The following RGS7 variants were observed in gnomAD, a reference collection of about 807,000 sequenced individuals.
RGS7 encodes regulator of G-protein signaling 7.
Under a neutral mutation model 81.1 loss-of-function variants are expected in RGS7, and 27 were observed. The observed-to-expected ratio is 0.33, with a 90% confidence interval of 0.25 to 0.46. The LOEUF (loss-of-function observed/expected upper bound fraction) is 0.46, where lower values mean the gene tolerates loss of function less well. Ranked by LOEUF, RGS7 falls within the 20% of genes least tolerant of loss-of-function variation. The pLI is 1.00. For missense variants in RGS7, 396 were observed against 607.4 expected, an observed-to-expected ratio of 0.65 and a Z score of 3.66; for synonymous variants, 208 against 207.7, an observed-to-expected ratio of 1.00 and a Z score of -0.01.
chr1:240,804,182 A>C (rs893833192), intron 15 of RGS7, among the ~76,000 whole-genome samples: 1 of 152,188 alleles, frequency 6.6e-6, no homozygotes, highest in Non-Finnish European at 1.5e-5. Context: ...TCTCATCTAT[A>C]AAATAGCATT....
intron 3 of RGS7, among the ~76,000 whole-genome samples, chr1:241,044,840 T>C (rs1411683917): frequency 2.0e-5 from 3 of 152,224 alleles, no homozygotes; most frequent in African/African-American, 7.2e-5. Context: ...TTAAATAAGT[T>C]AACACAAGAA....
rs1421924841 is a variant in RGS7, at chr1:240,784,193, AAAAACAAAAAAACAAAAC to A, written c.*7-7998_*7-7981del. The stretch of plus-strand genomic sequence containing the variant: ...CAAAAGCGAAACTCTGTCTCGAAAA[AAAAACAAAAAAACAAAAC>A]AAAACAAAAAAACACAGTAGTCTTT... On this transcript the variant is annotated intron_variant, in intron 18 of 18. Coordinates refer to ENST00000440928, the MANE Select transcript of RGS7 (RefSeq NM_001364886.1). Among the ~76,000 whole-genome samples the A allele has an allele frequency of 3.9e-5, 6 of 152,070 alleles. 1 individual carries two copies. Among genetic ancestry groups the A allele is most frequent in the Admixed American group, 3.3e-4 (5 of 15,260 alleles).
chr1:240,856,609 ATACT>A (rs149508280), intron 9 of RGS7, among the ~76,000 whole-genome samples: 2,179 of 152,276 alleles, frequency 0.014, 48 homozygotes, highest in African/African-American at 0.05. Context: ...ATTTTATCAT[ATACT>A]TGTTTGTTTA....
intron 3 of RGS7, among the ~76,000 whole-genome samples, chr1:241,037,369 T>G (rs937197538): frequency 6.6e-6 from 1 of 152,070 alleles, no homozygotes; most frequent in Admixed American, 6.6e-5. Flanking sequence ...GTATGCATAT[T>G]TATAACAGCA....
intron 2 of RGS7, among the ~76,000 whole-genome samples, chr1:241,336,382 T>C (rs1455658145): frequency 6.6e-6 from 1 of 152,106 alleles, no homozygotes. Context: ...GATTTTGAAA[T>C]ATTCAATCAT....
chr1:240,897,867 C>T (rs1025189347), intron 6 of RGS7, among the ~76,000 whole-genome samples: 1 of 152,126 alleles, frequency 6.6e-6, no homozygotes, highest in Non-Finnish European at 1.5e-5. Flanking sequence ...GTACCAGCTC[C>T]TCTTTTTACC....
At chr1:241,254,297 A>G (rs2076966600) in intron 2 of RGS7, among the ~76,000 whole-genome samples, 1 of 152,164 alleles carries the variant, frequency 6.6e-6, no homozygotes, top group Non-Finnish European at 1.5e-5. Context: ...TGGCAAGGTC[A>G]TGTTTGTGAA....
intron 2 of RGS7, among the ~76,000 whole-genome samples, chr1:241,209,089 C>T (rs2074094391): frequency 6.6e-6 from 1 of 151,992 alleles, no homozygotes; most frequent in Admixed American, 6.6e-5. Flanking sequence ...TGTCTGTTCC[C>T]AAAGAAAATT....
chr1:240,849,763 C>T (rs890676513), intron 9 of RGS7, among the ~76,000 whole-genome samples: 3 of 152,176 alleles, frequency 2.0e-5, no homozygotes, highest in African/African-American at 7.2e-5. Flanking sequence ...TACCTGAGGC[C>T]TCACCAGACG....
intron 3 of RGS7, among the ~76,000 whole-genome samples, chr1:241,028,363 T>C (rs957949419): frequency 7.2e-5 from 11 of 152,218 alleles, no homozygotes; most frequent in African/African-American, 2.4e-4. Context: ...GGAACTCATA[T>C]TCAGTTTGTA....
intron 6 of RGS7, among the ~76,000 whole-genome samples, chr1:240,916,047 G>A (rs1482461605): frequency 1.3e-5 from 2 of 149,276 alleles, no homozygotes; most frequent in Admixed American, 6.7e-5. Flanking sequence ...CTGATCACTT[G>A]AGGCCAGGAG....
chr1:241,048,291 A>C (rs995192126), intron 3 of RGS7, among the ~76,000 whole-genome samples: 1 of 152,180 alleles, frequency 6.6e-6, no homozygotes, highest in Non-Finnish European at 1.5e-5. Flanking sequence ...ACAGAAATAA[A>C]ATATAAAAGT....
chr1:240,837,490 T>C (rs12042312), intron 9 of RGS7, among the ~76,000 whole-genome samples: 69,541 of 152,138 alleles, frequency 0.46, 17,484 homozygotes, highest in Non-Finnish European at 0.57. Flanking sequence ...GCATTTTGAT[T>C]TGCATTATAC....
chr1:240,806,626 T>C (rs1688898344), intron 14 of RGS7, among the ~76,000 whole-genome samples: 2 of 151,904 alleles, frequency 1.3e-5, no homozygotes, highest in South Asian at 4.1e-4. Context: ...TAAGTGTTTG[T>C]TGTTAAAAGC....
At chr1:240,838,819 T>C (rs1572351607) in intron 9 of RGS7, among the ~76,000 whole-genome samples, 1 of 151,806 alleles carries the variant, frequency 6.6e-6, no homozygotes, top group South Asian at 2.1e-4. Flanking sequence ...CAGGCTGGAG[T>C]GCAGTGGCGC....
intron 2 of RGS7, among the ~76,000 whole-genome samples, chr1:241,348,655 C>A (rs564209980): frequency 6.6e-6 from 1 of 152,316 alleles, no homozygotes; most frequent in Admixed American, 6.5e-5. Flanking sequence ...TTTCCTTTCA[C>A]CTCTGAAATT....
chr1:240,868,298 C>T lies in RGS7; in HGVS notation c.609+289G>A, dbSNP rs139185408. 5.0e-4 allele frequency among the ~76,000 whole-genome samples: 76 copies of T among 152,236 alleles called. No homozygotes were observed. Among genetic ancestry groups the T allele is most frequent in the African/African-American group, 1.8e-3 (74 of 41,546 alleles). On this transcript the variant is annotated intron_variant, in intron 9 of 18. Transcript: ENST00000440928. This position sits in a 1 kb window ranked among gnomAD's most constrained non-coding sequence, Gnocchi z 5.1. ...TAAAACATGAAAAACTGTTTTGTTGCAGTAGTTTTTCTTTCAAATGTATAC... is the reference window on the plus strand; with the variant it reads ...TAAAACATGAAAAACTGTTTTGTTGTAGTAGTTTTTCTTTCAAATGTATAC...
intron 2 of RGS7, among the ~76,000 whole-genome samples, chr1:241,197,815 T>G (rs1233391823): frequency 7.8e-6 from 1 of 127,578 alleles, no homozygotes; most frequent in Non-Finnish European, 1.7e-5. Context: ...AAACAATCAG[T>G]AAAGAGATAA....
chr1:240,905,116 G>C (rs1572691914), intron 6 of RGS7, among the ~76,000 whole-genome samples: 1 of 152,046 alleles, frequency 6.6e-6, no homozygotes, highest in African/African-American at 2.4e-5. Context: ...TTTAAGACAA[G>C]AATAATATGA....
Sources: allele counts gnomAD v4.1 joint callset (sites outside exome capture counted in the v4.1 genomes callset), GRCh38; gene constraint gnomAD v4.1.1; non-coding constraint Gnocchi (gnomAD v3.1); transcripts MANE v1.5; gene names NCBI Gene and HGNC (gene_info 2026-07-23, HGNC 2026-07-21).